The following HADHB variants were observed in gnomAD, a reference collection of about 807,000 sequenced individuals.
HADHB encodes hydroxyacyl-CoA dehydrogenase trifunctional multienzyme complex subunit beta.
Under a neutral mutation model 61.9 loss-of-function variants are expected in HADHB, and 50 were observed. The observed-to-expected ratio is 0.81, with a 90% CI of 0.64 to 1.02. The LOEUF (loss-of-function observed/expected upper bound fraction) is 1.02. Among genes scored for constraint, HADHB ranks in the 50% least tolerant of loss-of-function variants. The pLI is 0.00. For missense variants in HADHB, 504 were observed against 586.5 expected (o/e 0.86, Z 1.45); for synonymous variants, 191 against 201.6 (o/e 0.95, Z 0.45).
At chr2:26,278,886 G>T (rs1672669164) in intron 8 of HADHB, 85 bp downstream of exon 8, 1 of 1,137,942 alleles carries the variant, frequency 8.8e-7, no homozygotes, top group Non-Finnish European at 1.3e-6. Context: ...TGTAATAGGT[G>T]TAGATTCTGT....
chr2:26,267,864 G>A (rs913585946), intron 4 of HADHB, among the ~76,000 whole-genome samples: 1 of 151,796 alleles, frequency 6.6e-6, no homozygotes, highest in Admixed American at 6.6e-5. Context: ...GGAGGACTGT[G>A]TACAGTGGTT....
Position 26,277,286 on chromosome 2 carries a change from G to A in HADHB, c.442+126G>A, listed in dbSNP as rs991307567. 46 of 590,814 alleles carry A rather than the reference G, an allele frequency of 7.8e-5. No individual in the cohort carries two copies. The East Asian group carries it at 1.3e-3, about 17-fold the overall frequency. The allele number at this position is 590,814 out of a possible 1,614,324, so 36.6% of individuals were successfully genotyped here. ...AGAACCTCACTCTGTCACTCAGGCT[G>A]GAGTGCAGTGGTACCATCATAGCTC... On this transcript the variant is annotated intron_variant, in intron 7 of 15. Coordinates refer to ENST00000317799, the MANE Select transcript of HADHB (RefSeq NM_000183.3).
intron 15 of HADHB, among the ~76,000 whole-genome samples, chr2:26,286,320 C>G (rs1673031281): frequency 6.6e-6 from 1 of 152,144 alleles, no homozygotes; most frequent in Non-Finnish European, 1.5e-5. Context: ...TTCTAGAGAA[C>G]TGAATTATAC....
intron 12 of HADHB, 114 bp downstream of exon 12, chr2:26,283,165 C>T (rs1574667597): frequency 2.5e-6 from 2 of 791,570 alleles, no homozygotes; most frequent in Non-Finnish European, 4.5e-6. Context: ...GTTTATTACA[C>T]TGGTTTGAGA....
intron 1 of HADHB, 112 bp from the exon 2 acceptor site, chr2:26,254,135 G>C (rs1671516438): frequency 2.8e-6 from 2 of 716,616 alleles, no homozygotes; most frequent in East Asian, 5.0e-5. Context: ...ATAAGATTAA[G>C]TTTTAATGTT....
At chr2:26,258,296 C>G (rs1469069405) in intron 3 of HADHB, among the ~76,000 whole-genome samples, 1 of 152,084 alleles carries the variant, frequency 6.6e-6, no homozygotes, top group African/African-American at 2.4e-5. Context: ...GCCTTTTTTT[C>G]TCTGACCTGA....
intron 3 of HADHB, chr2:26,261,619 A>T (rs547749550): frequency 3.3e-5 from 5 of 152,766 alleles, no homozygotes; most frequent in African/African-American, 1.2e-4. Context: ...TACTAAAAAT[A>T]TAAAAACTAG....
Position 26,285,420 on chromosome 2 carries a change from C to T in HADHB, c.1238C>T (p.Pro413Leu). Residue 413 changes from proline (P) to leucine (L), a missense_variant, in exon 15 of 16, where the codon CCT (proline) becomes CTT (leucine). Coordinates refer to ENST00000317799, the MANE Select transcript of HADHB (RefSeq NM_000183.3). ...TGGGGGAGCCAGGTTGGATTGCCTC[C>T]TTTGGAGAAGTTTAATAACTGGGGT... is the stretch of plus-strand genomic sequence containing the variant. ...MGRKTKVGLPPLEKFNNWGGS... is the reference protein window; with the variant it reads ...MGRKTKVGLPLLEKFNNWGGS... The T allele has an allele frequency of 1.2e-6, 2 of 1,613,768 alleles. No individual in the cohort carries two copies. The highest frequency in any genetic ancestry group is 1.7e-6 in the Non-Finnish European group (2 of 1,179,720).
chr2:26,273,664 C>A lies in HADHB; in HGVS notation c.268C>A (p.Arg90=). 4 of 1,594,388 alleles carry A rather than the reference C, an allele frequency of 2.5e-6. No homozygotes were observed. Among genetic ancestry groups the A allele is most frequent in the Non-Finnish European group, 3.4e-6 (4 of 1,162,252 alleles). ...ARAALTGLLH[R]TSVPKEVVDY... ...TTCTACTTCCAGGGGTTTGTTGCATCGGACCAGTGTCCCTAAGGAAGTAGT... is the reference window on the plus strand; with the variant it reads ...TTCTACTTCCAGGGGTTTGTTGCATAGGACCAGTGTCCCTAAGGAAGTAGT... The change falls in exon 6 of 16, where the codon CGG becomes AGG. Residue 90 remains arginine, a synonymous_variant. Transcript: ENST00000317799.
At chr2:26,277,032 T>C in intron 6 of HADHB, 41 bp from the exon 7 acceptor site, 1 of 957,658 alleles carries the variant, frequency 1.0e-6, no homozygotes, top group South Asian at 1.3e-5. Context: ...CATGATGCCC[T>C]TCCCTTATAG....
chr2:26,260,249 T>C (rs2147806993), intron 3 of HADHB, among the ~76,000 whole-genome samples: 1 of 152,068 alleles, frequency 6.6e-6, no homozygotes, highest in South Asian at 2.1e-4. Flanking sequence ...GCCCAGCTAA[T>C]TTTTGTATTT....
At chr2:26,271,040 G>A (rs548459444) in intron 5 of HADHB, among the ~76,000 whole-genome samples, 4 of 149,786 alleles carry the variant, frequency 2.7e-5, no homozygotes, top group Admixed American at 1.3e-4. Flanking sequence ...CACCATGCCC[G>A]GCTAATTTTT....
intron 3 of HADHB, chr2:26,254,692 T>C: frequency 2.0e-6 from 1 of 512,544 alleles, no homozygotes; most frequent in Non-Finnish European, 3.5e-6. Flanking sequence ...AATGGGAGGC[T>C]GTTTTCTGGG....
chr2:26,280,235 A>C, intron 10 of HADHB, 120 bp downstream of exon 10: 1 of 848,710 alleles, frequency 1.2e-6, no homozygotes, highest in South Asian at 1.5e-5. Flanking sequence ...ATAGTTATTC[A>C]TTTTAATGTG....
At chr2:26,254,970 A>T (rs1357936638) in intron 3 of HADHB, 1 of 166,402 alleles carries the variant, frequency 6.0e-6, no homozygotes, top group East Asian at 1.6e-4. Flanking sequence ...ATGAAATGAA[A>T]GAGTAAGGAA....
chr2:26,251,437 C>G (rs1456260857), intron 1 of HADHB, among the ~76,000 whole-genome samples: 3 of 152,326 alleles, frequency 2.0e-5, no homozygotes, highest in African/African-American at 7.2e-5. Flanking sequence ...ATCCTCCCAC[C>G]TCGGCCTCCC....
At chr2:26,286,813 G>GTTT (rs1201781156) in intron 15 of HADHB, among the ~76,000 whole-genome samples, 3 of 103,532 alleles carry the variant, frequency 2.9e-5, no homozygotes, top group African/African-American at 8.2e-5. Context: ...GCCTGTTTTT[G>GTTT]TTTTTTTTTT....
At position 26,278,685 on chromosome 2, in the gene HADHB, C is replaced by T. The variant is rs367891116; in HGVS notation, c.514C>T (p.Pro172Ser). 43 of 1,613,952 alleles carry T rather than the reference C, an allele frequency of 2.7e-5. No individual in the cohort carries two copies. Among genetic ancestry groups the T allele is most frequent in the Non-Finnish European group, 3.5e-5 (41 of 1,179,864 alleles). ...AGGVELMSDV[P>S]IRHSRKMRKL... The stretch of plus-strand genomic sequence containing the variant: ...TGGTGTTGAGTTGATGTCCGATGTC[C>T]CTATTCGTCACTCAAGGAAAATGAG... Residue 172 changes from proline (P) to serine (S), a missense_variant, in exon 8 of 16, where the codon CCT (proline) becomes TCT (serine). Coordinates refer to ENST00000317799, the MANE Select transcript of HADHB (RefSeq NM_000183.3).
intron 1 of HADHB, among the ~76,000 whole-genome samples, chr2:26,253,385 G>A (rs1377069302): frequency 2.0e-5 from 3 of 152,220 alleles, no homozygotes; most frequent in Admixed American, 6.5e-5. Flanking sequence ...CCTATTTAGT[G>A]TATATTCCCT....
Sources: allele counts gnomAD v4.1 joint callset (sites outside exome capture counted in the v4.1 genomes callset), GRCh38; gene constraint gnomAD v4.1.1; transcripts MANE v1.5; gene names NCBI Gene and HGNC (gene_info 2026-07-23, HGNC 2026-07-21).